Variants in PRR27 observed in about 807,000 individuals in gnomAD.
PRR27 encodes proline-rich protein 27.
In PRR27, 12 loss-of-function variants were observed where a neutral mutation model predicts 16.8. That is an observed-to-expected ratio of 0.71 (90% CI 0.46 to 1.16). The LOEUF is 1.16. PRR27 is among the 50% of genes most tolerant of loss of function. PRR27 has a pLI of 0.00. For synonymous variants in PRR27, 100 were observed against 98.4 expected (o/e 1.02, Z -0.10); for missense variants, 277 against 273.3 (o/e 1.01, Z -0.10).
At chr4:70,160,177 A>G (rs1728608012) in intron 3 of PRR27, among the ~76,000 whole-genome samples, 1 of 152,082 alleles carries the variant, frequency 6.6e-6, no homozygotes, top group South Asian at 2.1e-4. Flanking sequence ...AGGTAGTTTT[A>G]TAACCCAGCC....
At chr4:70,161,179 TACAC>T (rs1553902907) in intron 3 of PRR27, among the ~76,000 whole-genome samples, 2 of 107,688 alleles carry the variant, frequency 1.9e-5, no homozygotes, top group African/African-American at 3.5e-5. Flanking sequence ...TATATATATA[TACAC>T]ACATACATAT....
chr4:70,159,217 G>C (rs2109792324), intron 3 of PRR27, among the ~76,000 whole-genome samples: 1 of 152,110 alleles, frequency 6.6e-6, no homozygotes, highest in East Asian at 1.9e-4. Context: ...ACTACAAATT[G>C]GTTTGCATTT....
Position 70,158,979 on chromosome 4 carries a change from A to G in PRR27, c.648+79A>G, listed in dbSNP as rs1448494897. On this transcript the variant is annotated intron_variant, in intron 3 of 4. Transcript: ENST00000344526. ...GGGGAAAAAAAAAAACCACTCCCCA[A>G]GCAAATCTATATCAACTTAAATATT... 3 of 1,295,984 alleles carry G rather than the reference A, an allele frequency of 2.3e-6. No homozygotes were observed. In the African/African-American group the frequency reaches 4.5e-5, roughly 19 times the overall value. The allele number at this position is 1,295,984 out of a possible 1,614,324, so 80.3% of individuals were successfully genotyped here. A position where few individuals can be genotyped will look rare whatever the true frequency, so the allele number is the denominator to read the frequency against.
chr4:70,154,883 C>T, intron 1 of PRR27: 2 of 684,180 alleles, frequency 2.9e-6, no homozygotes, highest in Non-Finnish European at 4.5e-6. Context: ...TAGTGTAATG[C>T]AATGGCCTTT....
At chr4:70,161,008 G>T (rs957613297) in intron 3 of PRR27, among the ~76,000 whole-genome samples, 29 of 151,760 alleles carry the variant, frequency 1.9e-4, no homozygotes, top group Middle Eastern at 3.4e-3. Context: ...TCACCAAGGG[G>T]TTACATTCAA....
chr4:70,160,172 G>C (rs142332385), intron 3 of PRR27, among the ~76,000 whole-genome samples: 102 of 152,252 alleles, frequency 6.7e-4, no homozygotes, highest in African/African-American at 2.4e-3. Context: ...CCAAGAGGTA[G>C]TTTTATAACC....
In PRR27 at chr4:70,158,374, C is replaced by A. The variant is rs767283531; in HGVS notation, c.122C>A (p.Pro41His). The change falls in exon 3 of 5, where the codon CCT becomes CAT. Residue 41 changes from proline (P) to histidine (H), a missense_variant. By Grantham distance (77) the Pro-to-His change is moderately conservative (BLOSUM62 -2). Transcript: ENST00000344526. ...CCACTTCATCCATCTCTGAATATTCCTTATGGCATACGGAATTTACCACCT... is the reference window on the plus strand; with the variant it reads ...CCACTTCATCCATCTCTGAATATTCATTATGGCATACGGAATTTACCACCT... The part of the protein sequence containing the change: ...GHPLHPSLNI[P>H]YGIRNLPPPL... 1 of 1,613,222 alleles carries A rather than the reference C, an allele frequency of 6.2e-7. No homozygotes were observed.
intron 3 of PRR27, among the ~76,000 whole-genome samples, chr4:70,159,633 A>G (rs1034924029): frequency 6.6e-6 from 1 of 152,156 alleles, no homozygotes; most frequent in African/African-American, 2.4e-5. Flanking sequence ...ACATATTATT[A>G]TATCTATAAC....
Position 70,166,336 on chromosome 4 carries a change from A to G in PRR27, c.*3675A>G, listed in dbSNP as rs1480147036. ...CTGAATAAAACTTTTCATTATTTAT[A>G]TTATCACATGCATATATGTGTGTAT... On this transcript the variant is annotated 3_prime_UTR_variant, in exon 5 of 5. Transcript: ENST00000344526. 1.3e-5 allele frequency: 2 copies of G among 152,092 alleles called. No individual in the cohort carries two copies. Among genetic ancestry groups the G allele is most frequent in the African/African-American group, 4.8e-5 (2 of 41,458 alleles). The allele number at this position is 152,092 out of a possible 1,614,324, so 9.4% of individuals were successfully genotyped here.
At position 70,163,885 on chromosome 4, in the gene PRR27, T is replaced by C. The variant is rs1728701822; in HGVS notation, c.*1224T>C. On this transcript the variant is annotated 3_prime_UTR_variant, in exon 5 of 5. Transcript: ENST00000344526. ...TGCCCCATGCTCCTCATGCAGCAGCTTTTTTTTTTTTTTCCTTTTTCAAAT... is the reference window on the plus strand; with the variant it reads ...TGCCCCATGCTCCTCATGCAGCAGCCTTTTTTTTTTTTTCCTTTTTCAAAT... 1 of 49,174 alleles carries C rather than the reference T, an allele frequency of 2.0e-5. No homozygotes were observed. The highest frequency in any genetic ancestry group is 4.8e-5 in the Non-Finnish European group (1 of 20,938). 3.0% of individuals were successfully genotyped at this position (49,174 alleles called of 1,614,324 possible). A position where few individuals can be genotyped will look rare whatever the true frequency, so the allele number is the denominator to read the frequency against.
rs1728639108 is a variant in PRR27, at chr4:70,161,165, T to TATATATAC, written c.649-414_649-413insCATATATA. On this transcript the variant is annotated intron_variant, in intron 3 of 4. Coordinates refer to ENST00000344526, the MANE Select transcript of PRR27 (RefSeq NM_214711.4). The stretch of plus-strand genomic sequence containing the variant: ...GGGTATTATGAACACTGTATATATA[T>TATATATAC]ATATATATATATATACACACATACA... Among the ~76,000 whole-genome samples, 3 of 116,284 alleles carry TATATATAC rather than the reference T, an allele frequency of 2.6e-5. No individual in the cohort carries two copies. In the South Asian group the frequency reaches 9.8e-4, roughly 38 times the overall value. The allele number at this position is 116,284 out of a possible 152,430, so 76.3% of individuals were successfully genotyped here.
chr4:70,160,443 C>CTCTCTCTCTCTGTGTGTGTGTGTGTGTG (rs1298386504), intron 3 of PRR27, among the ~76,000 whole-genome samples: 35 of 68,694 alleles, frequency 5.1e-4, no homozygotes, highest in Non-Finnish European at 8.0e-4. Context: ...CTCTCTCTCT[C>CTCTCTCTCTCTGTGTGTGTGTGTGTGTG]TGTGTGTGTG....
chr4:70,154,991 A>G (rs1352075275), intron 1 of PRR27, among the ~76,000 whole-genome samples: 1 of 152,142 alleles, frequency 6.6e-6, no homozygotes, highest in Non-Finnish European at 1.5e-5. Flanking sequence ...CTTTTTTTAA[A>G]TGGAGAAAAT....
chr4:70,160,682 T>C (rs1728625794), intron 3 of PRR27, among the ~76,000 whole-genome samples: 1 of 152,028 alleles, frequency 6.6e-6, no homozygotes, highest in Non-Finnish European at 1.5e-5. Context: ...GTTTCTATTA[T>C]TCATCTTGAA....
rs1728426305 is a variant in PRR27 at position 70,154,270 on chromosome 4, T to A, written c.-106T>A. ...TCCTAGACAGACTAAAAAAGCCATG[T>A]ATTCTTTCGTTTCTCTCTAAAAGAA... On this transcript the variant is annotated 5_prime_UTR_variant, in exon 1 of 5. Coordinates refer to ENST00000344526, the MANE Select transcript of PRR27 (RefSeq NM_214711.4). 1.1e-6 allele frequency: 1 copy of A among 935,066 alleles called. No individual in the cohort carries two copies. Among genetic ancestry groups the A allele is most frequent in the Admixed American group, 2.2e-5 (1 of 45,902 alleles). 57.9% of individuals were successfully genotyped at this position (935,066 alleles called of 1,614,324 possible).
intron 4 of PRR27, among the ~76,000 whole-genome samples, chr4:70,161,950 C>G (rs771463395): frequency 2.0e-5 from 3 of 152,148 alleles, no homozygotes; most frequent in African/African-American, 7.2e-5. Flanking sequence ...TTGGACTATA[C>G]ATAGAAAGAG....
At chr4:70,161,343 G>A (rs955104258) in intron 3 of PRR27, among the ~76,000 whole-genome samples, 4 of 151,030 alleles carry the variant, frequency 2.6e-5, no homozygotes, top group Non-Finnish European at 4.4e-5. Context: ...CAATACCTTG[G>A]ACTTCATCCT....
In PRR27 at chr4:70,166,430, G is replaced by T. The variant is rs1003691868; in HGVS notation, c.*3769G>T. 6.6e-6 allele frequency: 1 copy of T among 151,918 alleles called. No individual in the cohort carries two copies. The allele number at this position is 151,918 out of a possible 1,614,324, so 9.4% of individuals were successfully genotyped here. On this transcript the variant is annotated 3_prime_UTR_variant, in exon 5 of 5. Coordinates refer to ENST00000344526, the MANE Select transcript of PRR27 (RefSeq NM_214711.4). ...AAAACTGAAATAAAAAATTATAAGA[G>T]AAAATACTATTTTCCACCAATATCA...
At chr4:70,161,685 C>T in intron 4 of PRR27, 55 bp downstream of exon 4, 2 of 805,272 alleles carry the variant, frequency 2.5e-6, no homozygotes, top group Non-Finnish European at 3.9e-6. Context: ...GGTTAAATCT[C>T]ATAATCTGAA....
Sources: allele counts gnomAD v4.1 joint callset (sites outside exome capture counted in the v4.1 genomes callset), GRCh38; gene constraint gnomAD v4.1.1; transcripts MANE v1.5; gene names NCBI Gene and HGNC (gene_info 2026-07-23, HGNC 2026-07-21).